The following MAP3K9 variants were observed in gnomAD, a reference collection of about 807,000 sequenced individuals.
MAP3K9 encodes mitogen-activated protein kinase kinase kinase 9.
In MAP3K9, 46 loss-of-function variants were observed where a neutral mutation model predicts 95.8. The observed-to-expected ratio is 0.48, with a 90% CI of 0.38 to 0.61. The LOEUF (loss-of-function observed/expected upper bound fraction) is 0.61. Ranked by LOEUF, MAP3K9 falls within the 20% of genes least tolerant of loss-of-function variation. The pLI is 0.00. For missense variants in MAP3K9, 1,296 were observed against 1,474.3 expected (o/e 0.88, Z 1.98); for synonymous variants, 533 against 593.8 (o/e 0.90, Z 1.49).
In MAP3K9 at chr14:70,727,971, T is replaced by G. The variant is rs1475558856; in HGVS notation, c.*2409A>C. The G allele has an allele frequency of 6.6e-6, 1 of 152,212 alleles. No homozygotes were observed. The highest frequency in any genetic ancestry group is 6.5e-5 in the Admixed American group (1 of 15,276). 9.4% of individuals were successfully genotyped at this position (152,212 alleles called of 1,614,324 possible). A position where few individuals can be genotyped will look rare whatever the true frequency, so the allele number is the denominator to read the frequency against. Reference sequence around the variant, plus strand: ...AATGAGCAAAGGAAAAATCTCTGCTTCATACCACAGAGCACTGTGTATAGG... The same window carrying G: ...AATGAGCAAAGGAAAAATCTCTGCTGCATACCACAGAGCACTGTGTATAGG... On this transcript the variant is annotated 3_prime_UTR_variant, in exon 12 of 12. Coordinates refer to ENST00000554752, the MANE Select transcript of MAP3K9 (RefSeq NM_001284230.2).
At chr14:70,740,582 C>A (rs1203035127) in intron 6 of MAP3K9, among the ~76,000 whole-genome samples, 1 of 152,182 alleles carries the variant, frequency 6.6e-6, no homozygotes, top group Admixed American at 6.6e-5. Flanking sequence ...GACACTGATT[C>A]TTCTCACTAA....
chr14:70,793,641 T>C (rs192199433), intron 2 of MAP3K9, among the ~76,000 whole-genome samples: 15 of 150,350 alleles, frequency 1.0e-4, no homozygotes, highest in African/African-American at 3.7e-4. Context: ...AGTAAACCAG[T>C]TCACATGATA....
chr14:70,731,615 C>G (rs572808237), intron 11 of MAP3K9, among the ~76,000 whole-genome samples: 12 of 152,308 alleles, frequency 7.9e-5, no homozygotes, highest in Middle Eastern at 3.4e-3. Flanking sequence ...TGCCTCCTGA[C>G]TCAAGGGCAT....
Position 70,786,014 on chromosome 14 carries a change from G to A in MAP3K9, c.820+14653C>T, listed in dbSNP as rs530699137. Among the ~76,000 whole-genome samples the A allele has an allele frequency of 3.9e-5, 6 of 152,122 alleles. No individual in the cohort carries two copies. In the South Asian group the frequency reaches 1.2e-3, roughly 32 times the overall value. On this transcript the variant is annotated intron_variant, in intron 2 of 11. Coordinates refer to ENST00000554752, the MANE Select transcript of MAP3K9 (RefSeq NM_001284230.2). ...TATTTGGGGGATGAAGGAAATGAGG[G>A]CCATGTATTACTGTCACCATGAATA...
intron 3 of MAP3K9, among the ~76,000 whole-genome samples, chr14:70,754,677 T>A (rs1268521151): frequency 2.0e-5 from 3 of 152,152 alleles, no homozygotes; most frequent in African/African-American, 7.2e-5. Context: ...TTCACCATGT[T>A]AGCCAGGATG....
chr14:70,723,188 C>T lies in MAP3K9; in HGVS notation c.*7192G>A, dbSNP rs960891927. 6.6e-6 allele frequency: 1 copy of T among 152,170 alleles called. No homozygotes were observed. Among genetic ancestry groups the T allele is most frequent in the East Asian group, 1.9e-4 (1 of 5,192 alleles). The allele number at this position is 152,170 out of a possible 1,614,324, so 9.4% of individuals were successfully genotyped here. ...TGACCTCAAGTGCCCAGGGAGGAGA[C>T]ACAAGCTACAATAAGGCTTCCAAGC... On this transcript the variant is annotated 3_prime_UTR_variant, in exon 12 of 12. Transcript: ENST00000554752.
At position 70,809,050 on chromosome 14, in the gene MAP3K9, G is replaced by A. The variant is rs946151572; in HGVS notation, c.122C>T (p.Ala41Val). Residue 41 changes from alanine to valine, a missense_variant, in exon 1 of 12, where the codon GCG becomes GTG. Ala to Val is a moderately conservative substitution (Grantham distance 64, BLOSUM62 0). Transcript: ENST00000554752. ...EEEEEEEEAA[A>V]AVGPGELGCD... ...GCCCAGCTCCCCGGGGCCCACCGCC[G>A]CCGCCGCCTCCTCCTCCTCCTCCTC... 2.1e-6 allele frequency: 3 copies of A among 1,457,948 alleles called. No homozygotes were observed. The highest frequency in any genetic ancestry group is 3.0e-5 in the African/African-American group (2 of 67,492). 90.3% of individuals were successfully genotyped at this position (1,457,948 alleles called of 1,614,324 possible).
intron 11 of MAP3K9, 114 bp downstream of exon 11, chr14:70,732,425 G>C (rs1013612589): frequency 2.8e-6 from 4 of 1,423,100 alleles, no homozygotes; most frequent in Non-Finnish European, 3.7e-6. Context: ...TGGCTAAGAG[G>C]AGGAATGGTG....
intron 3 of MAP3K9, among the ~76,000 whole-genome samples, chr14:70,753,470 G>C (rs1566742557): frequency 6.6e-6 from 1 of 152,190 alleles, no homozygotes; most frequent in Non-Finnish European, 1.5e-5. Flanking sequence ...AAAAAAGACT[G>C]GAGAAATTCA....
intron 2 of MAP3K9, among the ~76,000 whole-genome samples, chr14:70,768,654 C>CG (rs1346214923): frequency 1.3e-5 from 2 of 152,106 alleles, no homozygotes; most frequent in African/African-American, 2.4e-5. Flanking sequence ...CAGGAGAAAT[C>CG]GGGGGTGTCT....
chr14:70,746,633 A>G (rs1028089661), intron 5 of MAP3K9, among the ~76,000 whole-genome samples: 3 of 152,242 alleles, frequency 2.0e-5, no homozygotes, highest in Admixed American at 6.5e-5. Context: ...AGGGCATCAC[A>G]TGTAATATGG....
At chr14:70,744,173 G>C (rs1314670203) in intron 5 of MAP3K9, among the ~76,000 whole-genome samples, 15 of 152,082 alleles carry the variant, frequency 9.9e-5, no homozygotes, top group Non-Finnish European at 2.9e-5. Flanking sequence ...GACACAGGGA[G>C]GGGAACGTCA....
At chr14:70,789,994 G>C (rs1243518796) in intron 2 of MAP3K9, among the ~76,000 whole-genome samples, 2 of 152,176 alleles carry the variant, frequency 1.3e-5, no homozygotes, top group Non-Finnish European at 2.9e-5. Flanking sequence ...AATCAAAGCA[G>C]CAGCAAAGCT....
chr14:70,739,941 G>A (rs1417582916), intron 7 of MAP3K9, 101 bp downstream of exon 7: 13 of 1,614,024 alleles, frequency 8.1e-6, no homozygotes, highest in East Asian at 2.2e-5. Flanking sequence ...GGTGGCAGAA[G>A]TTATGGATGG....
At position 70,782,981 on chromosome 14, in the gene MAP3K9, G is replaced by A. The variant is rs17108530; in HGVS notation, c.820+17686C>T. On this transcript the variant is annotated intron_variant, in intron 2 of 11. Coordinates refer to ENST00000554752, the MANE Select transcript of MAP3K9 (RefSeq NM_001284230.2). The stretch of plus-strand genomic sequence containing the variant: ...ATAACAGGCATACCCAGAAACTGCT[G>A]GGAAAACGCTCAAATGCCGTGTTCT... Among the ~76,000 whole-genome samples the A allele has an allele frequency of 6.0e-3, 917 of 152,280 alleles. 8 individuals are homozygous for A. Among genetic ancestry groups the A allele is most frequent in the African/African-American group, 0.019 (798 of 41,556 alleles).
rs1990032 is a variant in MAP3K9, at chr14:70,742,562, C to G, written c.1356G>C (p.Thr452=). 16,851 of 1,614,130 alleles carry G rather than the reference C, an allele frequency of 0.01. 105 individuals carry two copies. Among genetic ancestry groups the G allele is most frequent in the Non-Finnish European group, 0.012 (14,130 of 1,180,002 alleles). ...KELRTWEEEL[T]RAALQQKNQE... ...GGTTCTTCTGCTGCAGTGCAGCCCG[C>G]GTCAGCTCCTCCTCCCAGGTGCGAA... Residue 452 remains threonine, a synonymous_variant, in exon 6 of 12, where the codon ACG becomes ACC. Coordinates refer to ENST00000554752, the MANE Select transcript of MAP3K9 (RefSeq NM_001284230.2).
At chr14:70,776,992 G>A (rs967030442) in intron 2 of MAP3K9, among the ~76,000 whole-genome samples, 5 of 151,876 alleles carry the variant, frequency 3.3e-5, no homozygotes, top group East Asian at 1.9e-4. Context: ...CACCACACCC[G>A]GCTAATTTTT....
chr14:70,777,905 G>A (rs537064842), intron 2 of MAP3K9, among the ~76,000 whole-genome samples: 5 of 152,250 alleles, frequency 3.3e-5, no homozygotes, highest in Admixed American at 2.6e-4. Flanking sequence ...CAGCCAACAC[G>A]CATGCCTGAG....
At chr14:70,738,496 C>T (rs2139721416) in intron 7 of MAP3K9, 98 bp from the exon 8 acceptor site, 5 of 1,126,872 alleles carry the variant, frequency 4.4e-6, no homozygotes, top group Middle Eastern at 4.1e-4. Context: ...ACATTTGGAG[C>T]TGCAGGGAAG....
Sources: gnomAD v4.1 joint callset for allele counts (sites outside exome capture counted in the v4.1 genomes callset) on GRCh38, gnomAD v4.1.1 for gene constraint, MANE v1.5 for transcripts, NCBI Gene and HGNC (gene_info 2026-07-23, HGNC 2026-07-21) for gene names.